The following DNAJC17 variants were observed in gnomAD, a reference collection of about 807,000 sequenced individuals.
DNAJC17 encodes DnaJ heat shock protein family (Hsp40) member C17.
A neutral mutation model predicts 48.1 loss-of-function variants in DNAJC17; 35 were observed. The observed-to-expected ratio is 0.73, with a 90% CI of 0.56 to 0.96. The LOEUF is 0.96. Ranked by LOEUF, DNAJC17 falls within the 50% of genes least tolerant of loss-of-function variation. The pLI, the probability that DNAJC17 is intolerant of heterozygous loss-of-function variation, is 0.00. For missense variants in DNAJC17, 355 were observed against 377.1 expected, an observed-to-expected ratio of 0.94 and a Z score of 0.48; for synonymous variants, 117 against 142.7, an observed-to-expected ratio of 0.82 and a Z score of 1.28.
chr15:40,768,622 A>G (rs550138802), intron 10 of DNAJC17, among the ~76,000 whole-genome samples: 2 of 152,358 alleles, frequency 1.3e-5, no homozygotes, highest in South Asian at 4.1e-4. Context: ...GCATGAGGCC[A>G]GCGTGCCTCT....
intron 1 of DNAJC17, among the ~76,000 whole-genome samples, chr15:40,784,662 C>T (rs146568722): frequency 3.6e-4 from 55 of 152,274 alleles, no homozygotes; most frequent in African/African-American, 1.3e-3. Context: ...GTGGACACCA[C>T]CCCACCCATG....
intron 4 of DNAJC17, chr15:40,778,941 C>T: frequency 2.4e-6 from 1 of 410,752 alleles, no homozygotes; most frequent in Non-Finnish European, 4.6e-6. Flanking sequence ...CTCAAAAAAC[C>T]ATGTTCTTAA....
rs1179899333 is a variant in DNAJC17, at chr15:40,768,037, T to C, written c.818A>G (p.Tyr273Cys). ...SKGSVLSERD[Y>C]ESLVMMRMRQ... ...CATGCGCATCATGACGAGGCTCTCG[T>C]AGTCCCTCTCTGACAGCACTGAGCC... is the stretch of plus-strand genomic sequence containing the variant. The change falls in exon 11 of 11, where the codon TAC becomes TGC. Residue 273 changes from tyrosine to cysteine, a missense_variant. Physicochemically the swap from Tyr to Cys is radical, Grantham distance 194. This residue lies in a region of DNAJC17 where 88 missense variants were observed against 67.7 expected (regional missense o/e 1.30). Transcript: ENST00000220496. The C allele has an allele frequency of 6.3e-7, 1 of 1,590,958 alleles. No individual in the cohort carries two copies.
At position 40,767,632 on chromosome 15, in the gene DNAJC17, G is replaced by A. The variant is rs1233670185; in HGVS notation, c.*308C>T. On this transcript the variant is annotated 3_prime_UTR_variant, in exon 11 of 11. Coordinates refer to ENST00000220496, the MANE Select transcript of DNAJC17 (RefSeq NM_018163.3). ...GTTCCTCGGGCAGCTGCCCCGGGCC[G>A]GAGCTGGGCACTCCAGCGGCCCTGG... 25 of 578,828 alleles carry A rather than the reference G, an allele frequency of 4.3e-5. No individual in the cohort carries two copies. In the East Asian group the frequency reaches 7.7e-4, roughly 18 times the overall value. 35.9% of individuals were successfully genotyped at this position (578,828 alleles called of 1,614,324 possible).
Position 40,779,526 on chromosome 15 carries a change from T to C in DNAJC17, c.207+19A>G, listed in dbSNP as rs1319164555. ...CTCTAACCATGGGGGACGATTCCGA[T>C]GAAGGAGGCTGTGCTTACCCTGGCT... On this transcript the variant is annotated intron_variant, in intron 3 of 10. Coordinates refer to ENST00000220496, the MANE Select transcript of DNAJC17 (RefSeq NM_018163.3). The C allele has an allele frequency of 1.3e-5, 21 of 1,613,878 alleles. No individual in the cohort carries two copies. The highest frequency in any genetic ancestry group is 1.8e-5 in the Non-Finnish European group (21 of 1,179,982).
At chr15:40,776,460 A>C (rs1250647478) in intron 5 of DNAJC17, 82 bp downstream of exon 5, 1 of 1,549,762 alleles carries the variant, frequency 6.5e-7, no homozygotes, top group African/African-American at 1.4e-5. Flanking sequence ...TGCCCTCTCT[A>C]GCCACGGCGA....
At chr15:40,773,022 A>G (rs918766998) in intron 10 of DNAJC17, among the ~76,000 whole-genome samples, 1 of 145,548 alleles carries the variant, frequency 6.9e-6, no homozygotes, top group African/African-American at 2.6e-5. Flanking sequence ...GTGCAATGGC[A>G]CGATCTCGGC....
At position 40,803,992 on chromosome 15, in the gene DNAJC17, T is replaced by G. The variant is rs138656187; in HGVS notation, c.78+3377A>C. ...TGAATTTTCTTTTCTTTTTTAAGAGTGGCAGGGTCTCACCCTGTCATCCAG... is the reference window on the plus strand; with the variant it reads ...TGAATTTTCTTTTCTTTTTTAAGAGGGGCAGGGTCTCACCCTGTCATCCAG... On this transcript the variant is annotated intron_variant, in intron 1 of 10. Coordinates refer to ENST00000220496, the MANE Select transcript of DNAJC17 (RefSeq NM_018163.3). Among the ~76,000 whole-genome samples the G allele has an allele frequency of 2.0e-5, 3 of 148,442 alleles. No homozygotes were observed. In the East Asian group the frequency reaches 6.0e-4, roughly 29 times the overall value.
At chr15:40,783,836 C>T (rs1889568361) in intron 1 of DNAJC17, among the ~76,000 whole-genome samples, 1 of 152,140 alleles carries the variant, frequency 6.6e-6, no homozygotes, top group Non-Finnish European at 1.5e-5. Context: ...GTACCCCAGC[C>T]TGGGTGACAG....
intron 1 of DNAJC17, among the ~76,000 whole-genome samples, chr15:40,787,483 C>A (rs986494632): frequency 3.3e-5 from 5 of 152,134 alleles, no homozygotes; most frequent in African/African-American, 9.7e-5. Flanking sequence ...TCTCCTCCTC[C>A]CTGCTAACAC....
chr15:40,766,017 G>A lies in DNAJC17; in HGVS notation c.*1923C>T. 2 of 541,870 alleles carry A rather than the reference G, an allele frequency of 3.7e-6. 1 individual carries two copies. Among genetic ancestry groups the A allele is most frequent in the East Asian group, 6.8e-5 (2 of 29,432 alleles). The allele number at this position is 541,870 out of a possible 1,614,324, so 33.6% of individuals were successfully genotyped here. A position where few individuals can be genotyped will look rare whatever the true frequency, so the allele number is the denominator to read the frequency against. On this transcript the variant is annotated 3_prime_UTR_variant, in exon 11 of 11. Coordinates refer to ENST00000220496, the MANE Select transcript of DNAJC17 (RefSeq NM_018163.3). ...CCTCCAAGCCCAGGGACAGGGCCCA[G>A]CATCAGAGCCCCCTGCCTGCATCCT...
At chr15:40,779,756 T>C (rs1044267197) in intron 2 of DNAJC17, 153 bp from the exon 3 acceptor site, 5 of 1,075,082 alleles carry the variant, frequency 4.7e-6, no homozygotes, top group Non-Finnish European at 2.7e-6. Flanking sequence ...GGGGTGAGCA[T>C]ATCAGCAACT....
At position 40,779,548 on chromosome 15, in the gene DNAJC17, G is replaced by A. The variant is rs764429450; in HGVS notation, c.204C>T (p.Ala68=). 3 of 1,614,154 alleles carry A rather than the reference G, an allele frequency of 1.9e-6. No homozygotes were observed. The highest frequency in any genetic ancestry group is 1.7e-6 in the Non-Finnish European group (2 of 1,180,012). The change falls in exon 3 of 11, where the codon GCC becomes GCT. Residue 68 remains alanine, a synonymous_variant. Coordinates refer to ENST00000220496, the MANE Select transcript of DNAJC17 (RefSeq NM_018163.3). ...QALEVLTDAA[A]RAAYDKVRKA... is the part of the protein sequence containing the mutation. ...CGATGAAGGAGGCTGTGCTTACCCT[G>A]GCTGCAGCATCGGTCAGCACCTCCA... is the stretch of plus-strand genomic sequence containing the variant.
intron 1 of DNAJC17, among the ~76,000 whole-genome samples, chr15:40,805,504 G>A (rs1463377303): frequency 3.3e-5 from 5 of 151,890 alleles, no homozygotes; most frequent in East Asian, 3.9e-4. Flanking sequence ...CTGAGATTGC[G>A]CCACTGCACT....
chr15:40,788,695 CAA>C (rs34840348), intron 1 of DNAJC17, among the ~76,000 whole-genome samples: 326 of 116,766 alleles, frequency 2.8e-3, no homozygotes, highest in South Asian at 7.3e-3. Context: ...GACTCTGTCT[CAA>C]AAAAAAAAAA....
chr15:40,775,004 G>C, intron 8 of DNAJC17, 27 bp downstream of exon 8: 2 of 1,613,458 alleles, frequency 1.2e-6, no homozygotes, highest in Non-Finnish European at 1.7e-6. Context: ...GAGATGATAG[G>C]AAAGAGTGGA....
At position 40,770,515 on chromosome 15, in the gene DNAJC17, G is replaced by A. The variant is rs1889098628; in HGVS notation, c.793-2453C>T. The A allele has an allele frequency of 1.3e-6, 2 of 1,549,982 alleles. No individual in the cohort carries two copies. The highest frequency in any genetic ancestry group is 1.4e-5 in the African/African-American group (1 of 73,024). The stretch of plus-strand genomic sequence containing the variant: ...GGCCCCATGGAGACCTGGCGGAAAG[G>A]CTCCTTCCGCAACGCCTCCTTCTTC... On this transcript the variant is annotated intron_variant, in intron 10 of 10. Coordinates refer to ENST00000220496, the MANE Select transcript of DNAJC17 (RefSeq NM_018163.3). This position sits in a 1 kb window ranked among gnomAD's most constrained non-coding sequence, Gnocchi z 5.0.
Position 40,776,532 on chromosome 15 carries a change from G to A in DNAJC17, c.381+10C>T, listed in dbSNP as rs1469618404. On this transcript the variant is annotated intron_variant, in intron 5 of 10. Coordinates refer to ENST00000220496, the MANE Select transcript of DNAJC17 (RefSeq NM_018163.3). Reference sequence around the variant, plus strand: ...AGGTGGCCTTCTGGCCAGTGTGCCTGAGTGCTCACCTCTTGCTCTAGTGTC... The same window carrying A: ...AGGTGGCCTTCTGGCCAGTGTGCCTAAGTGCTCACCTCTTGCTCTAGTGTC... 6.2e-7 allele frequency: 1 copy of A among 1,613,734 alleles called. No individual in the cohort carries two copies.
At position 40,774,456 on chromosome 15, in the gene DNAJC17, C is replaced by T. The variant is rs753307625; in HGVS notation, c.601-20G>A. The T allele has an allele frequency of 1.2e-6, 2 of 1,613,682 alleles. No individual in the cohort carries two copies. Among genetic ancestry groups the T allele is most frequent in the Non-Finnish European group, 1.7e-6 (2 of 1,179,884 alleles). On this transcript the variant is annotated intron_variant, in intron 8 of 10. Transcript: ENST00000220496. The stretch of plus-strand genomic sequence containing the variant: ...ACCATACTGTGGGGACAAAGGGGTC[C>T]TAATAAGCATGACTTGGCCTTCAGG...
Sources: gnomAD v4.1 joint callset for allele counts (sites outside exome capture counted in the v4.1 genomes callset) on GRCh38, gnomAD v4.1.1 for gene constraint, gnomAD v4.1.1 regional missense constraint, Gnocchi (gnomAD v3.1) non-coding constraint, MANE v1.5 for transcripts, NCBI Gene and HGNC (gene_info 2026-07-23, HGNC 2026-07-21) for gene names.